TBC1D5: variants seen among roughly 807,000 people sequenced by gnomAD.
TBC1D5 encodes the protein TBC1 domain family member 5.
A neutral mutation model predicts 100.3 loss-of-function variants in TBC1D5; 75 were observed. That is an observed-to-expected ratio of 0.75 (90% CI 0.62 to 0.91). The LOEUF (loss-of-function observed/expected upper bound fraction) is 0.91, where lower values mean the gene tolerates loss of function less well. TBC1D5 is among the 40% of genes least tolerant of loss of function. The pLI is 0.00. For missense variants in TBC1D5, 910 were observed against 942.4 expected (o/e 0.97, Z 0.45); for synonymous variants, 323 against 325.6 (o/e 0.99, Z 0.09).
chr3:17,605,459 C>T (rs1334174443), intron 2 of TBC1D5, among the ~76,000 whole-genome samples: 1 of 152,158 alleles, frequency 6.6e-6, no homozygotes, highest in Non-Finnish European at 1.5e-5. Context: ...TTTTTAGCAA[C>T]TAGAATGCTG....
chr3:17,392,411 A>C (rs1400873650), intron 8 of TBC1D5, among the ~76,000 whole-genome samples: 2 of 151,908 alleles, frequency 1.3e-5, no homozygotes, highest in African/African-American at 4.8e-5. Context: ...AACGTGTAGA[A>C]TGTGCAGGTT....
At chr3:17,388,498 G>A (rs1296157512) in intron 8 of TBC1D5, among the ~76,000 whole-genome samples, 2 of 151,814 alleles carry the variant, frequency 1.3e-5, no homozygotes, top group Non-Finnish European at 2.9e-5. Context: ...AATCCCAGAC[G>A]TCATTATATC....
intron 3 of TBC1D5, among the ~76,000 whole-genome samples, chr3:17,465,860 C>G (rs1216256439): frequency 6.6e-6 from 1 of 152,190 alleles, no homozygotes; most frequent in Admixed American, 6.5e-5. Context: ...CAGCTATTTT[C>G]TAGTTTACAC....
intron 16 of TBC1D5, among the ~76,000 whole-genome samples, chr3:17,253,885 T>A (rs1162538294): frequency 6.6e-6 from 1 of 152,114 alleles, no homozygotes; most frequent in Non-Finnish European, 1.5e-5. Flanking sequence ...TTCAACCAAA[T>A]GCAGAGAGAG....
intron 1 of TBC1D5, among the ~76,000 whole-genome samples, chr3:17,643,294 G>A (rs1225291620): frequency 1.3e-5 from 2 of 151,984 alleles, no homozygotes; most frequent in African/African-American, 4.8e-5. Flanking sequence ...TTGGTGTATC[G>A]TATTATATCA....
chr3:17,387,123 A>G (rs2093182630), intron 8 of TBC1D5, among the ~76,000 whole-genome samples: 1 of 152,144 alleles, frequency 6.6e-6, no homozygotes, highest in Non-Finnish European at 1.5e-5. Context: ...ATTGCATCGA[A>G]TAAGTAAGGT....
At chr3:17,624,501 T>A (rs1188430747) in intron 1 of TBC1D5, among the ~76,000 whole-genome samples, 2 of 152,108 alleles carry the variant, frequency 1.3e-5, no homozygotes, top group Non-Finnish European at 1.5e-5. Flanking sequence ...TACTGTAGCA[T>A]CTGGGAGTGA....
chr3:17,705,648 T>G, intron 1 of TBC1D5, among the ~76,000 whole-genome samples: 4 of 96,440 alleles, frequency 4.1e-5, no homozygotes, highest in African/African-American at 1.2e-4. Context: ...TCTCAGACGA[T>G]GGGCGGCCGG....
intron 14 of TBC1D5, among the ~76,000 whole-genome samples, chr3:17,294,550 C>T (rs1042022494): frequency 6.6e-6 from 1 of 152,136 alleles, no homozygotes; most frequent in Non-Finnish European, 1.5e-5. Context: ...CTATCAGAAG[C>T]TATAAAATAT....
intron 13 of TBC1D5, among the ~76,000 whole-genome samples, chr3:17,312,307 T>C (rs2084125783): frequency 6.6e-6 from 1 of 152,158 alleles, no homozygotes; most frequent in Admixed American, 6.6e-5. Flanking sequence ...CTAAGGGCTC[T>C]GCAGAATACA....
chr3:17,524,391 G>T (rs906062675), intron 2 of TBC1D5, among the ~76,000 whole-genome samples: 2 of 152,150 alleles, frequency 1.3e-5, no homozygotes, highest in African/African-American at 4.8e-5. Context: ...TCTAACTTTT[G>T]AATCAACAAT....
At chr3:17,244,492 C>A (rs1203154234) in intron 16 of TBC1D5, among the ~76,000 whole-genome samples, 2 of 152,178 alleles carry the variant, frequency 1.3e-5, no homozygotes, top group Admixed American at 1.3e-4. Flanking sequence ...CTCCTATCTT[C>A]CTTCCAAAAT....
At chr3:17,602,708 G>C (rs9855499) in intron 2 of TBC1D5, among the ~76,000 whole-genome samples, 2 of 151,206 alleles carry the variant, frequency 1.3e-5, no homozygotes, top group Non-Finnish European at 2.9e-5. Flanking sequence ...AAGTAGCCGA[G>C]ACTACAGGCG....
rs149923220 is a variant in TBC1D5, at chr3:17,434,365, A to G, written c.98-5846T>C. Among the ~76,000 whole-genome samples the G allele has an allele frequency of 2.0e-3, 298 of 152,316 alleles. 7 individuals are homozygous for G. The East Asian group carries it at 0.041, about 21-fold the overall frequency. ...TCTAGGCAGAGATTCCCAAACATCA[A>G]TTCTTGTCTTCTGCACACCCACAGG... On this transcript the variant is annotated intron_variant, in intron 3 of 21. Transcript: ENST00000253692.
chr3:17,705,531 C>G (rs1461176589), intron 1 of TBC1D5, among the ~76,000 whole-genome samples: 2 of 145,186 alleles, frequency 1.4e-5, no homozygotes, highest in African/African-American at 5.1e-5. Context: ...ACTTCTCAGA[C>G]GGGGCGGCCG....
At chr3:17,266,444 T>C (rs1281594714) in intron 15 of TBC1D5, among the ~76,000 whole-genome samples, 2 of 152,168 alleles carry the variant, frequency 1.3e-5, no homozygotes, top group African/African-American at 4.8e-5. Context: ...ATATTACTTG[T>C]GACTAAGGAC....
intron 3 of TBC1D5, among the ~76,000 whole-genome samples, chr3:17,485,828 A>C (rs979616330): frequency 5.3e-5 from 8 of 152,052 alleles, no homozygotes; most frequent in African/African-American, 1.9e-4. Context: ...TTATAGCAGC[A>C]TGATTTATAG....
chr3:17,355,493 A>G (rs773560557), intron 13 of TBC1D5, among the ~76,000 whole-genome samples: 1 of 152,174 alleles, frequency 6.6e-6, no homozygotes, highest in Non-Finnish European at 1.5e-5. Context: ...TAGGTAATCT[A>G]CAAGTTTTAC....
chr3:17,381,188 G>C (rs1229232520), intron 9 of TBC1D5, among the ~76,000 whole-genome samples: 1 of 151,968 alleles, frequency 6.6e-6, no homozygotes, highest in Non-Finnish European at 1.5e-5. Context: ...ATATTCCTGA[G>C]TAGTCTTCTA....
Sources: allele counts gnomAD v4.1 joint callset (sites outside exome capture counted in the v4.1 genomes callset), GRCh38; gene constraint gnomAD v4.1.1; transcripts MANE v1.5; gene names NCBI Gene and HGNC (gene_info 2026-07-23, HGNC 2026-07-21).